Variants in MTERF4 observed in about 807,000 individuals in gnomAD.
MTERF4 encodes transcription termination factor 4, mitochondrial.
MTERF4 carries 17 observed loss-of-function variants against 22.5 expected under a neutral mutation model. The ratio of observed to expected loss-of-function variants is 0.75; its 90% CI spans 0.52 to 1.13. The LOEUF (loss-of-function observed/expected upper bound fraction) is 1.13. Ranked by LOEUF, MTERF4 falls within the 50% of genes most tolerant of loss-of-function variation. The pLI is 0.00. For missense variants in MTERF4, 420 were observed against 466.8 expected (o/e 0.90, Z 0.92); for synonymous variants, 165 against 175.3 (o/e 0.94, Z 0.47).
chr2:241,047,534 A>C, the MTERF4 span, among the ~76,000 whole-genome samples: 16 of 152,264 alleles, frequency 1.1e-4, no homozygotes, highest in African/African-American at 3.4e-4. Flanking sequence ...GCTCTTGGCC[A>C]TCATAGGCCA....
At chr2:241,048,333 A>G in the MTERF4 span, 1 of 1,608,074 alleles carries the variant, frequency 6.2e-7, no homozygotes, top group Non-Finnish European at 8.5e-7. Flanking sequence ...CCAGTGCCAG[A>G]CGCCTGCCTC....
At chr2:241,068,669 C>A (rs1223422469), downstream of MTERF4, among the ~76,000 whole-genome samples, 1 of 151,978 alleles carries the variant, frequency 6.6e-6, no homozygotes, top group African/African-American at 2.4e-5. The surrounding 1 kb of genome is among the most constrained non-coding windows in gnomAD (Gnocchi z 5.3). Context: ...TCTGACCATA[C>A]TGTAGCAGCC....
downstream of MTERF4, chr2:241,089,294 T>G: frequency 6.5e-7 from 1 of 1,549,388 alleles, no homozygotes; most frequent in Admixed American, 2.0e-5. Flanking sequence ...TTCATCTTCC[T>G]GGTGGCGCAG....
At chr2:241,048,540 G>C in the MTERF4 span, 1 of 1,493,816 alleles carries the variant, frequency 6.7e-7, no homozygotes, top group Non-Finnish European at 9.0e-7. Context: ...GAAAAGAAAC[G>C]TGTGAGTGCG....
the MTERF4 span, chr2:241,063,006 G>C: frequency 4.2e-6 from 3 of 710,450 alleles, no homozygotes; most frequent in Non-Finnish European, 6.9e-6. Context: ...GATGGCCAGG[G>C]TGGCCACTGC....
chr2:241,070,915 G>A (rs1259610670), downstream of MTERF4, among the ~76,000 whole-genome samples: 1 of 152,226 alleles, frequency 6.6e-6, no homozygotes, highest in East Asian at 1.9e-4. Flanking sequence ...TCTGACCCCA[G>A]GCTCCTCCCC....
At chr2:241,088,084 GC>G, downstream of MTERF4, 1 of 483,720 alleles carries the variant, frequency 2.1e-6, no homozygotes, top group Non-Finnish European at 3.7e-6. Context: ...CCCTAGGGTA[GC>G]TTTTGCTTGC....
intron 4 of MTERF4, among the ~76,000 whole-genome samples, chr2:241,078,267 C>T (rs1281014550): frequency 6.6e-6 from 1 of 151,386 alleles, no homozygotes; most frequent in Non-Finnish European, 1.5e-5. Flanking sequence ...CCTGTAGTCC[C>T]AGCTCCTCAG....
chr2:241,067,911 C>T (rs373766192), downstream of MTERF4: 12 of 1,613,270 alleles, frequency 7.4e-6, no homozygotes, highest in African/African-American at 1.3e-4. Flanking sequence ...GACCAGGCCA[C>T]CGATGTGGAC....
At chr2:241,066,993 G>A in the MTERF4 span, among the ~76,000 whole-genome samples, 1 of 152,238 alleles carries the variant, frequency 6.6e-6, no homozygotes, top group African/African-American at 2.4e-5. Context: ...GCACTGAGCA[G>A]GTGTCAGCAG....
the MTERF4 span, chr2:241,063,702 T>C: frequency 1.3e-6 from 2 of 1,588,486 alleles, no homozygotes; most frequent in South Asian, 1.1e-5. Flanking sequence ...GTGAGACAGG[T>C]AGGGGCTCCC....
the MTERF4 span, chr2:241,062,846 C>T: frequency 0.036 from 58,310 of 1,611,536 alleles, 1,569 homozygotes; most frequent in East Asian, 0.12. Context: ...GTCAGGACCG[C>T]GTTGCTGGGT....
At chr2:241,045,846 A>G in the MTERF4 span, among the ~76,000 whole-genome samples, 2 of 152,232 alleles carry the variant, frequency 1.3e-5, no homozygotes, top group African/African-American at 4.8e-5. Context: ...TGTGAAAGAC[A>G]TGGTTAAAAG....
downstream of MTERF4, chr2:241,094,293 T>TA (rs2064240948): frequency 2.1e-6 from 1 of 469,342 alleles, no homozygotes; most frequent in African/African-American, 2.0e-5. The surrounding 1 kb of genome is among the most constrained non-coding windows in gnomAD (Gnocchi z 4.3). Context: ...CACCTCCCCT[T>TA]AGCAGGAACT....
the MTERF4 span, among the ~76,000 whole-genome samples, chr2:241,066,037 G>C: frequency 6.6e-6 from 1 of 152,208 alleles, no homozygotes; most frequent in Non-Finnish European, 1.5e-5. Context: ...TGTAGGCGCT[G>C]AGGTGTGCTA....
the MTERF4 span, chr2:241,048,165 A>C: frequency 1.0e-6 from 1 of 954,310 alleles, no homozygotes; most frequent in East Asian, 2.7e-5. Flanking sequence ...CGCAGCTACA[A>C]ATCCATTTCC....
downstream of MTERF4, among the ~76,000 whole-genome samples, chr2:241,090,954 C>T (rs115872123): frequency 7.5e-3 from 1,133 of 152,058 alleles, 18 homozygotes; most frequent in African/African-American, 0.026. Flanking sequence ...CTGTCATGCG[C>T]GCGGTCCTTC....
At chr2:241,066,516 C>T in the MTERF4 span, among the ~76,000 whole-genome samples, 3 of 152,140 alleles carry the variant, frequency 2.0e-5, no homozygotes, top group Admixed American at 2.0e-4. Flanking sequence ...GGACTCTCAC[C>T]CAACATGCCT....
chr2:241,053,074 C>T, the MTERF4 span: 142 of 1,383,510 alleles, frequency 1.0e-4, 1 homozygote, highest in East Asian at 1.4e-3. Context: ...GCCCTGCAGT[C>T]GGGTCGGGCA....
Sources: gnomAD v4.1 joint callset for allele counts (sites outside exome capture counted in the v4.1 genomes callset) on GRCh38, gnomAD v4.1.1 for gene constraint, Gnocchi (gnomAD v3.1) non-coding constraint, MANE v1.5 for transcripts, NCBI Gene and HGNC (gene_info 2026-07-23, HGNC 2026-07-21) for gene names.